The following MKRN2OS variants were observed in gnomAD, a reference collection of about 807,000 sequenced individuals.
MKRN2OS encodes the protein MKRN2 opposite strand protein.
In MKRN2OS, 17 loss-of-function variants were observed where a neutral mutation model predicts 18.2. That is an observed-to-expected ratio of 0.93 (90% CI 0.64 to 1.40). The LOEUF (loss-of-function observed/expected upper bound fraction) is 1.40. Ranked by LOEUF, MKRN2OS falls within the 40% of genes most tolerant of loss-of-function variation. The pLI, the probability that MKRN2OS is intolerant of heterozygous loss-of-function variation, is 0.00. For synonymous variants in MKRN2OS, 121 were observed against 108.5 expected, an observed-to-expected ratio of 1.12 and a Z score of -0.72; for missense variants, 337 against 283.0, an observed-to-expected ratio of 1.19 and a Z score of -1.37.
chr3:12,557,022 A>C (rs1410428709), intron 1 of MKRN2OS: 2 of 988,408 alleles, frequency 2.0e-6, no homozygotes, highest in African/African-American at 3.4e-5. Flanking sequence ...GCCACACCGG[A>C]GGGGCGGCGT....
Position 12,541,854 on chromosome 3 carries a change from G to C in MKRN2OS, c.431+6C>G. Reference sequence around the variant, plus strand: ...CAGCGAGGGGGCAGCATTTGCAGTCGTGTACCTGTGAGGCAGCCAGGCCCC... The same window carrying C: ...CAGCGAGGGGGCAGCATTTGCAGTCCTGTACCTGTGAGGCAGCCAGGCCCC... On this transcript the variant is annotated splice_donor_region_variant and intron_variant, in intron 3 of 3. Transcript: ENST00000564146. The C allele has an allele frequency of 6.5e-7, 1 of 1,534,818 alleles. No homozygotes were observed. The highest frequency in any genetic ancestry group is 8.7e-7 in the Non-Finnish European group (1 of 1,146,528).
intron 1 of MKRN2OS, among the ~76,000 whole-genome samples, chr3:12,543,737 C>G (rs2057848170): frequency 6.6e-6 from 1 of 151,712 alleles, no homozygotes. Flanking sequence ...AAATAAAATA[C>G]AAAAATTAGC....
upstream of MKRN2OS, among the ~76,000 whole-genome samples, chr3:12,550,466 G>A (rs570552394): frequency 5.9e-5 from 9 of 152,248 alleles, no homozygotes; most frequent in East Asian, 1.5e-3. Context: ...TTTTTAGGGC[G>A]GTGAAACTAC....
At chr3:12,559,362 G>A (rs2058016073) in intron 1 of MKRN2OS, among the ~76,000 whole-genome samples, 2 of 152,092 alleles carry the variant, frequency 1.3e-5, no homozygotes, top group South Asian at 4.1e-4. Context: ...ATAATTTATA[G>A]GAAATGTTCA....
rs552255271 is a variant in MKRN2OS, at chr3:12,542,003, A to G, written c.288T>C (p.Ser96=). Residue 96 remains serine, a synonymous_variant, in exon 3 of 4, where the codon AGT becomes AGC. Transcript: ENST00000564146. ...TNTNGVVYNY[S]AHGVQRDGEG... ...CTCCGTCTCGCTGGACACCATGTGCACTGTAATTATACACAACCCCTGCAA... is the reference window on the plus strand; with the variant it reads ...CTCCGTCTCGCTGGACACCATGTGCGCTGTAATTATACACAACCCCTGCAA... 2.6e-6 allele frequency: 4 copies of G among 1,535,832 alleles called. No individual in the cohort carries two copies. The highest frequency in any genetic ancestry group is 1.4e-5 in the African/African-American group (1 of 73,160).
intron 1 of MKRN2OS, 93 bp downstream of exon 1, chr3:12,545,154 C>T (rs961400394): frequency 2.9e-6 from 3 of 1,045,206 alleles, no homozygotes; most frequent in Admixed American, 5.9e-5. Flanking sequence ...CACCAAACCT[C>T]ACACATTATG....
At chr3:12,546,392 C>G (rs1278393485), upstream of MKRN2OS, among the ~76,000 whole-genome samples, 1 of 151,772 alleles carries the variant, frequency 6.6e-6, no homozygotes, top group Non-Finnish European at 1.5e-5. Flanking sequence ...GGTGGTTTCT[C>G]GGGTCCAGGG....
intron 3 of MKRN2OS, among the ~76,000 whole-genome samples, chr3:12,541,587 C>T (rs2057814615): frequency 1.3e-5 from 2 of 152,062 alleles, no homozygotes; most frequent in South Asian, 2.1e-4. Flanking sequence ...GTAAAAATAC[C>T]TTGTCACATA....
rs78436223 is a variant in MKRN2OS at position 12,542,954 on chromosome 3, A to G, written c.268+226T>C. Among the ~76,000 whole-genome samples, 29 of 152,346 alleles carry G rather than the reference A, an allele frequency of 1.9e-4. 1 individual carries two copies. In the East Asian group the frequency reaches 5.6e-3, roughly 29 times the overall value. On this transcript the variant is annotated intron_variant, in intron 2 of 3. Coordinates refer to ENST00000564146, the MANE Select transcript of MKRN2OS (RefSeq NM_001195279.2). ...AATGTACAGGTTTGTGAGGCTCCTC[A>G]CTGAGAAAACGTTAAAGAGCTTTCA...
At chr3:12,553,831 G>A (rs1485264827) in exon 2 of MKRN2OS, 1 of 152,194 alleles carries the variant, frequency 6.6e-6, no homozygotes, top group African/African-American at 2.4e-5. Flanking sequence ...TGAATCCCAA[G>A]TCAGTATACA....
At chr3:12,552,293 GAAC>G (rs1341779507), downstream of MKRN2OS, among the ~76,000 whole-genome samples, 3 of 147,438 alleles carry the variant, frequency 2.0e-5, no homozygotes, top group East Asian at 4.0e-4. Flanking sequence ...ACTTCAGCCT[GAAC>G]AACAGAACAA....
intron 1 of MKRN2OS, among the ~76,000 whole-genome samples, chr3:12,556,334 A>G (rs1020686627): frequency 8.6e-5 from 13 of 151,938 alleles, no homozygotes; most frequent in African/African-American, 2.9e-4. Flanking sequence ...CTGGGCAACA[A>G]GAGAGAAACT....
intron 1 of MKRN2OS, chr3:12,557,253 C>G: frequency 6.7e-7 from 1 of 1,498,426 alleles, no homozygotes; most frequent in East Asian, 2.7e-5. Flanking sequence ...GTGCTGTGGT[C>G]CGGGAACCTG....
intron 1 of MKRN2OS, among the ~76,000 whole-genome samples, 199 bp downstream of exon 1, chr3:12,545,048 A>G (rs151036345): frequency 1.3e-4 from 20 of 152,318 alleles, no homozygotes; most frequent in African/African-American, 4.8e-4. Context: ...ATATTCTTGC[A>G]CTTGTCACTG....
chr3:12,544,534 G>A (rs1392703181), intron 1 of MKRN2OS, among the ~76,000 whole-genome samples: 1 of 151,974 alleles, frequency 6.6e-6, no homozygotes, highest in Admixed American at 6.6e-5. Flanking sequence ...AAATTAGCCG[G>A]GTGTGGTGGT....
At chr3:12,548,948 T>C (rs1348899176), upstream of MKRN2OS, among the ~76,000 whole-genome samples, 31 of 152,176 alleles carry the variant, frequency 2.0e-4, no homozygotes, top group Non-Finnish European at 2.9e-5. Context: ...TATTTTATTT[T>C]ATTTGAGACG....
chr3:12,552,289 G>C (rs2057935233), downstream of MKRN2OS, among the ~76,000 whole-genome samples: 1 of 150,738 alleles, frequency 6.6e-6, no homozygotes, highest in Non-Finnish European at 1.5e-5. Flanking sequence ...CTGCACTTCA[G>C]CCTGAACAAC....
chr3:12,544,264 G>A (rs777560704), intron 1 of MKRN2OS, among the ~76,000 whole-genome samples: 8 of 152,118 alleles, frequency 5.3e-5, no homozygotes, highest in East Asian at 1.9e-4. Flanking sequence ...CTAATGATAC[G>A]CAGGAGCTGA....
upstream of MKRN2OS, among the ~76,000 whole-genome samples, chr3:12,550,373 CTG>C (rs1050859238): frequency 2.4e-4 from 37 of 152,230 alleles, no homozygotes; most frequent in African/African-American, 7.9e-4. Flanking sequence ...CTATATGAAA[CTG>C]TGGAAAAGGC....
Sources: allele counts gnomAD v4.1 joint callset (sites outside exome capture counted in the v4.1 genomes callset), GRCh38; gene constraint gnomAD v4.1.1; transcripts MANE v1.5; gene names NCBI Gene and HGNC (gene_info 2026-07-23, HGNC 2026-07-21).